SPECC1: variants seen among roughly 807,000 people sequenced by gnomAD.
SPECC1 encodes cytospin-B.
SPECC1 carries 62 observed loss-of-function variants against 104.1 expected under a neutral mutation model. That is an observed-to-expected ratio of 0.60 (90% CI 0.49 to 0.74). SPECC1 has a LOEUF of 0.74. Ranked by LOEUF, SPECC1 falls within the 30% of genes least tolerant of loss-of-function variation. The probability of loss-of-function intolerance (pLI) is 0.00; values close to 1 mark genes in which losing one functional copy is unlikely to be tolerated. For missense variants in SPECC1, 1,306 were observed against 1,310.5 expected, an observed-to-expected ratio of 1.00 and a Z score of 0.05; for synonymous variants, 513 against 501.6, an observed-to-expected ratio of 1.02 and a Z score of -0.30.
At chr17:20,126,622 T>C (rs1356969356) in intron 3 of SPECC1, 1 of 152,256 alleles carries the variant, frequency 6.6e-6, no homozygotes, top group Non-Finnish European at 1.5e-5. Flanking sequence ...TCATATCAGC[T>C]GCAGATAACA....
intron 1 of SPECC1, among the ~76,000 whole-genome samples, chr17:20,057,257 C>T (rs1343948963): frequency 1.3e-5 from 2 of 151,984 alleles, no homozygotes; most frequent in African/African-American, 2.4e-5. Context: ...CTGGCTAACA[C>T]GGTGAAACCC....
At chr17:20,162,803 G>A (rs1005961314) in intron 3 of SPECC1, among the ~76,000 whole-genome samples, 1 of 152,184 alleles carries the variant, frequency 6.6e-6, no homozygotes, top group Non-Finnish European at 1.5e-5. Context: ...CAAGGTGGGC[G>A]GATCACCCGA....
At chr17:20,292,970 G>A (rs996092260) in intron 12 of SPECC1, among the ~76,000 whole-genome samples, 2 of 152,160 alleles carry the variant, frequency 1.3e-5, no homozygotes, top group Non-Finnish European at 1.5e-5. Context: ...GACATTCTGG[G>A]GCCCACCAGG....
chr17:20,104,498 T>C (rs1239876511), intron 2 of SPECC1, among the ~76,000 whole-genome samples: 1 of 152,078 alleles, frequency 6.6e-6, no homozygotes. Context: ...ATCCCGCCAC[T>C]TTGGGAGGCC....
At chr17:20,177,145 A>G (rs560052346) in intron 3 of SPECC1, among the ~76,000 whole-genome samples, 34 of 152,214 alleles carry the variant, frequency 2.2e-4, no homozygotes, top group African/African-American at 3.6e-4. Flanking sequence ...GGCTGAGGAA[A>G]CAACACTTGC....
At chr17:20,043,336 C>G (rs535048129) in intron 1 of SPECC1, among the ~76,000 whole-genome samples, 4 of 152,184 alleles carry the variant, frequency 2.6e-5, no homozygotes, top group Non-Finnish European at 5.9e-5. Context: ...CATCCTCTTC[C>G]CAAGCAGCCT....
intron 3 of SPECC1, among the ~76,000 whole-genome samples, chr17:20,143,405 C>T (rs1597806822): frequency 1.3e-5 from 2 of 150,184 alleles, no homozygotes; most frequent in African/African-American, 2.5e-5. Context: ...AAAAAAAGTC[C>T]GAGCGTGGTG....
At chr17:20,048,597 A>G (rs1411638115) in intron 1 of SPECC1, among the ~76,000 whole-genome samples, 2 of 151,758 alleles carry the variant, frequency 1.3e-5, no homozygotes, top group African/African-American at 2.4e-5. Context: ...GGGAGAGTAG[A>G]TATTTTTTCT....
chr17:20,080,298 T>A (rs1480166928), intron 1 of SPECC1, among the ~76,000 whole-genome samples: 1 of 152,088 alleles, frequency 6.6e-6, no homozygotes, highest in Non-Finnish European at 1.5e-5. Context: ...GCAGGGGGAC[T>A]CTCTTGTCAG....
chr17:20,256,578 A>G (rs2039837846), intron 10 of SPECC1, among the ~76,000 whole-genome samples: 1 of 152,194 alleles, frequency 6.6e-6, no homozygotes, highest in East Asian at 1.9e-4. Flanking sequence ...ATGGGCGGCA[A>G]CTGTGGGCTC....
chr17:20,186,321 TAAA>T (rs143021200), intron 3 of SPECC1, among the ~76,000 whole-genome samples: 5 of 152,102 alleles, frequency 3.3e-5, no homozygotes, highest in African/African-American at 1.2e-4. Context: ...CATTACATCT[TAAA>T]AAAAGCAATG....
chr17:20,184,872 A>C (rs1238321948), intron 3 of SPECC1, among the ~76,000 whole-genome samples: 1 of 152,258 alleles, frequency 6.6e-6, no homozygotes, highest in Non-Finnish European at 1.5e-5. Context: ...TTTGAAGAAC[A>C]TGGTGATGCA....
intron 1 of SPECC1, among the ~76,000 whole-genome samples, chr17:20,071,063 C>T (rs1032832590): frequency 6.6e-6 from 1 of 152,050 alleles, no homozygotes; most frequent in Non-Finnish European, 1.5e-5. Flanking sequence ...CTGTGTTGCC[C>T]AGGCTGGAGT....
At chr17:20,201,870 A>G (rs958429412) in intron 3 of SPECC1, among the ~76,000 whole-genome samples, 3 of 152,190 alleles carry the variant, frequency 2.0e-5, no homozygotes, top group Non-Finnish European at 2.9e-5. Flanking sequence ...AAATAAATAC[A>G]TTGGAAAATT....
At chr17:20,306,534 A>ATTT (rs1374389334) in intron 14 of SPECC1, among the ~76,000 whole-genome samples, 8 of 152,384 alleles carry the variant, frequency 5.2e-5, no homozygotes, top group Non-Finnish European at 1.2e-4. Context: ...GCAAGCCTGC[A>ATTT]TAAAGCCAAG....
intron 1 of SPECC1, among the ~76,000 whole-genome samples, chr17:20,020,492 C>G (rs776377971): frequency 6.6e-6 from 1 of 152,116 alleles, no homozygotes; most frequent in Non-Finnish European, 1.5e-5. Context: ...TGCCACCACA[C>G]CTGGGTAATT....
At chr17:20,155,975 G>T (rs527697019) in intron 3 of SPECC1, 3 of 1,261,642 alleles carry the variant, frequency 2.4e-6, no homozygotes, top group Admixed American at 4.3e-5. Context: ...GGGGCGGGCC[G>T]CGAGGGCGGG....
At chr17:20,100,364 G>C (rs1489702086) in intron 2 of SPECC1, among the ~76,000 whole-genome samples, 3 of 152,168 alleles carry the variant, frequency 2.0e-5, no homozygotes, top group African/African-American at 7.2e-5. Context: ...GAGCAGAAGA[G>C]AGAAAGAGGA....
intron 3 of SPECC1, among the ~76,000 whole-genome samples, chr17:20,189,740 T>C (rs1338322277): frequency 6.6e-6 from 1 of 152,120 alleles, no homozygotes; most frequent in Non-Finnish European, 1.5e-5. Context: ...GCATGAGTAT[T>C]TGGGAAACAG....
Sources: allele counts gnomAD v4.1 joint callset (sites outside exome capture counted in the v4.1 genomes callset), GRCh38; gene constraint gnomAD v4.1.1; transcripts MANE v1.5; gene names NCBI Gene and HGNC (gene_info 2026-07-23, HGNC 2026-07-21).